Variants in CEP295 observed in about 807,000 individuals in gnomAD.
CEP295 encodes the protein centrosomal protein of 295 kDa.
In CEP295, 190 loss-of-function variants were observed where a neutral mutation model predicts 291.6. That is an observed-to-expected ratio of 0.65 (90% CI 0.58 to 0.73). The LOEUF (loss-of-function observed/expected upper bound fraction) is 0.73, where lower values mean the gene tolerates loss of function less well. Among genes scored for constraint, CEP295 ranks in the 30% least tolerant of loss-of-function variants. CEP295 has a pLI of 0.00. For synonymous variants in CEP295, 993 were observed against 1,038.8 expected, an observed-to-expected ratio of 0.96 and a Z score of 0.85; for missense variants, 2,863 against 2,949.4, an observed-to-expected ratio of 0.97 and a Z score of 0.68.
At chr11:93,704,496 C>A (rs1038551092) in intron 17 of CEP295, among the ~76,000 whole-genome samples, 1 of 152,096 alleles carries the variant, frequency 6.6e-6, no homozygotes, top group Non-Finnish European at 1.5e-5. Flanking sequence ...AGGAGGCTCA[C>A]TTGAGCCCAG....
At chr11:93,709,383 A>G (rs1952741316) in intron 18 of CEP295, among the ~76,000 whole-genome samples, 1 of 152,182 alleles carries the variant, frequency 6.6e-6, no homozygotes, top group African/African-American at 2.4e-5. Context: ...TCTTCCCAGC[A>G]CCATTTACTG....
At position 93,697,460 on chromosome 11, in the gene CEP295, C is replaced by T. The variant is rs116581016; in HGVS notation, c.2548C>T (p.Leu850Phe). 1.3e-3 allele frequency: 1,945 copies of T among 1,552,116 alleles called. 22 individuals carry two copies. In the African/African-American group the frequency reaches 0.024, roughly 19 times the overall value. Reference sequence around the variant, plus strand: ...AGCCCAGCAAGGTAATATGAAGGCCCTCCAAGAACAGTTAGACCTACAGAA... The same window carrying T: ...AGCCCAGCAAGGTAATATGAAGGCCTTCCAAGAACAGTTAGACCTACAGAA... ...ITAQQGNMKA[L>F]QEQLDLQKKV... The change falls in exon 15 of 30, where the codon CTC becomes TTC. Residue 850 changes from leucine (L) to phenylalanine (F), a missense_variant. Coordinates refer to ENST00000325212, the MANE Select transcript of CEP295 (RefSeq NM_033395.2).
At chr11:93,706,709 C>G in intron 17 of CEP295, 36 bp from the exon 18 acceptor site, 4 of 1,482,446 alleles carry the variant, frequency 2.7e-6, no homozygotes, top group Non-Finnish European at 3.6e-6. Flanking sequence ...ATTAATAGTT[C>G]CAGAAATTGA....
chr11:93,693,479 G>A (rs1951691868), intron 12 of CEP295, among the ~76,000 whole-genome samples: 1 of 152,164 alleles, frequency 6.6e-6, no homozygotes, highest in African/African-American at 2.4e-5. Flanking sequence ...TCTCAGGCCA[G>A]GTGCAGTGGC....
Position 93,695,683 on chromosome 11 carries a change from G to C in CEP295, c.1671+49G>C, listed in dbSNP as rs760863699. The C allele has an allele frequency of 5.4e-5, 79 of 1,468,158 alleles. 1 individual carries two copies. The highest frequency in any genetic ancestry group is 1.7e-4 in the South Asian group (12 of 71,044). The allele number at this position is 1,468,158 out of a possible 1,614,324, so 90.9% of individuals were successfully genotyped here. ...CTACATAAATCATTTGGTAAGGGGG[G>C]CAAGAAAATATGAGCACTTGTAGCG... is the stretch of plus-strand genomic sequence containing the variant. On this transcript the variant is annotated intron_variant, in intron 13 of 29. Transcript: ENST00000325212.
intron 5 of CEP295, among the ~76,000 whole-genome samples, chr11:93,674,673 C>T (rs952405737): frequency 6.6e-6 from 1 of 151,562 alleles, no homozygotes; most frequent in African/African-American, 2.4e-5. Context: ...AGTTGAGGGA[C>T]TTTGCTAAGT....
intron 18 of CEP295, among the ~76,000 whole-genome samples, chr11:93,707,371 A>G (rs965932210): frequency 1.3e-5 from 2 of 151,926 alleles, no homozygotes; most frequent in Admixed American, 6.6e-5. Context: ...TTATATATGT[A>G]TATATATATA....
At chr11:93,671,767 G>A (rs1218637473) in intron 5 of CEP295, among the ~76,000 whole-genome samples, 1 of 151,978 alleles carries the variant, frequency 6.6e-6, no homozygotes, top group African/African-American at 2.4e-5. Flanking sequence ...TGGGGGCCAG[G>A]GAAATGCACC....
chr11:93,711,485 T>C (rs981405269), intron 18 of CEP295, among the ~76,000 whole-genome samples: 2 of 148,324 alleles, frequency 1.3e-5, no homozygotes, highest in Non-Finnish European at 3.0e-5. Flanking sequence ...ATTTCAGTTT[T>C]GTTTTTGTTT....
intron 18 of CEP295, among the ~76,000 whole-genome samples, chr11:93,709,803 TG>T (rs1399289514): frequency 1.3e-5 from 2 of 152,192 alleles, no homozygotes; most frequent in Non-Finnish European, 2.9e-5. Flanking sequence ...ATTTTTTGTG[TG>T]TCCTCTTTAA....
At chr11:93,713,605 A>G (rs951996757) in intron 18 of CEP295, among the ~76,000 whole-genome samples, 2 of 151,820 alleles carry the variant, frequency 1.3e-5, no homozygotes, top group African/African-American at 4.8e-5. Flanking sequence ...TTTATCCTTC[A>G]CCTTTGGGAA....
At chr11:93,728,389 G>A (rs1444979075) in intron 24 of CEP295, 4 of 223,422 alleles carry the variant, frequency 1.8e-5, no homozygotes, top group African/African-American at 9.2e-5. Context: ...TATATTTTTT[G>A]CCCAACACTA....
intron 18 of CEP295, among the ~76,000 whole-genome samples, chr11:93,708,588 A>G (rs551037135): frequency 2.6e-5 from 4 of 152,142 alleles, no homozygotes; most frequent in East Asian, 3.9e-4. Context: ...AATCTTGGCT[A>G]TTGTGAACAG....
At chr11:93,662,429 G>A (rs1245281541) in intron 1 of CEP295, among the ~76,000 whole-genome samples, 1 of 152,134 alleles carries the variant, frequency 6.6e-6, no homozygotes, top group Non-Finnish European at 1.5e-5. Flanking sequence ...GCAGTGTTGG[G>A]TCTTGAACCC....
At chr11:93,668,735 C>A in intron 3 of CEP295, 73 bp from the exon 4 acceptor site, 1 of 1,110,114 alleles carries the variant, frequency 9.0e-7, no homozygotes, top group Non-Finnish European at 1.3e-6. Flanking sequence ...TGATAAATCA[C>A]TTCTGATATC....
intron 24 of CEP295, chr11:93,727,891 A>AAGT (rs2135361448): frequency 2.9e-6 from 1 of 339,916 alleles, no homozygotes; most frequent in Non-Finnish European, 5.3e-6. Context: ...CACTAGAAAT[A>AAGT]TCCAGCATAA....
In CEP295 at chr11:93,697,853, G is replaced by A; in HGVS notation, c.2941G>A (p.Glu981Lys). ...AGTATTGTATGTACATAAACAGAGT[G>A]AATTGGATAGAAGAGTATGTTCCGA... ...QEVLYVHKQSELDRRVCSEQA... is the reference protein window; with the variant it reads ...QEVLYVHKQSKLDRRVCSEQA... The change falls in exon 15 of 30, where the codon GAA becomes AAA. Residue 981 changes from glutamate to lysine, a missense_variant. By Grantham distance (56) the Glu-to-Lys change is moderately conservative. Transcript: ENST00000325212. 6.4e-7 allele frequency: 1 copy of A among 1,551,728 alleles called. No individual in the cohort carries two copies. The highest frequency in any genetic ancestry group is 1.2e-5 in the South Asian group (1 of 84,056).
At chr11:93,673,100 T>C (rs1950527093) in intron 5 of CEP295, among the ~76,000 whole-genome samples, 1 of 152,226 alleles carries the variant, frequency 6.6e-6, no homozygotes, top group African/African-American at 2.4e-5. Flanking sequence ...TTCTAATGTG[T>C]ACTACCATCT....
chr11:93,678,413 T>A (rs1950804503), intron 6 of CEP295, among the ~76,000 whole-genome samples: 1 of 152,244 alleles, frequency 6.6e-6, no homozygotes, highest in African/African-American at 2.4e-5. Context: ...TTGGCCAGTG[T>A]ACTCTTTGTT....
Sources: allele counts gnomAD v4.1 joint callset (sites outside exome capture counted in the v4.1 genomes callset), GRCh38; gene constraint gnomAD v4.1.1; transcripts MANE v1.5; gene names NCBI Gene and HGNC (gene_info 2026-07-23, HGNC 2026-07-21).